The following TRAPPC9 variants were observed in gnomAD, a reference collection of about 807,000 sequenced individuals.
The protein encoded by TRAPPC9 is IKK2 binding protein.
Under a neutral mutation model 124.0 loss-of-function variants are expected in TRAPPC9, and 83 were observed. That is an observed-to-expected ratio of 0.67 (90% CI 0.56 to 0.80). The LOEUF (loss-of-function observed/expected upper bound fraction) is 0.80. Ranked by LOEUF, TRAPPC9 falls within the 30% of genes least tolerant of loss-of-function variation. TRAPPC9 has a pLI of 0.00. For missense variants in TRAPPC9, 1,302 were observed against 1,508.3 expected (o/e 0.86, Z 2.27); for synonymous variants, 638 against 617.5 (o/e 1.03, Z -0.49).
chr8:140,019,542 C>CTTTTTTTTTTTTTTTTTTTTTTTTTTT (rs71320340), intron 18 of TRAPPC9, among the ~76,000 whole-genome samples: 2 of 43,860 alleles, frequency 4.6e-5, no homozygotes, highest in African/African-American at 9.2e-5. Flanking sequence ...TAATTTGTGT[C>CTTTTTTTTTTTTTTTTTTTTTTTTTTT]TTTTTTTTTT....
intron 19 of TRAPPC9, among the ~76,000 whole-genome samples, chr8:139,941,376 C>T (rs1268603042): frequency 6.6e-6 from 1 of 152,200 alleles, no homozygotes; most frequent in Non-Finnish European, 1.5e-5. Flanking sequence ...TGAGATGCTG[C>T]CCCAATGCCC....
Position 140,243,090 on chromosome 8 carries a change from C to T in TRAPPC9, c.2431+9687G>A, listed in dbSNP as rs185334231. 9.0e-3 allele frequency among the ~76,000 whole-genome samples: 1,373 copies of T among 152,290 alleles called. 94 individuals carry two copies. Among genetic ancestry groups the T allele is most frequent in the Admixed American group, 0.086 (1,312 of 15,300 alleles). ...CAGAGAATGGGTCAGAAACACAGATCGCAGCCCAGCGCCCACAGAAAGGGA... is the reference window on the plus strand; with the variant it reads ...CAGAGAATGGGTCAGAAACACAGATTGCAGCCCAGCGCCCACAGAAAGGGA... On this transcript the variant is annotated intron_variant, in intron 16 of 22. Transcript: ENST00000438773.
intron 17 of TRAPPC9, among the ~76,000 whole-genome samples, chr8:140,051,450 C>T (rs972392530): frequency 8.5e-5 from 13 of 152,180 alleles, no homozygotes; most frequent in Non-Finnish European, 1.6e-4. Context: ...TTGCAGCAAG[C>T]ATCTGAGGGG....
intron 17 of TRAPPC9, among the ~76,000 whole-genome samples, chr8:140,203,626 C>T (rs895800104): frequency 2.0e-5 from 3 of 152,132 alleles, no homozygotes; most frequent in Non-Finnish European, 4.4e-5. Context: ...TCGGTGCTTG[C>T]GGGAAGGTTG....
intron 7 of TRAPPC9, among the ~76,000 whole-genome samples, chr8:140,388,489 G>A (rs2068823713): frequency 1.3e-5 from 2 of 152,032 alleles, no homozygotes; most frequent in South Asian, 4.2e-4. Context: ...TTTGAGACCA[G>A]CCTGACCAAC....
intron 17 of TRAPPC9, among the ~76,000 whole-genome samples, chr8:140,109,872 G>A (rs1003152471): frequency 6.6e-6 from 1 of 152,208 alleles, no homozygotes; most frequent in East Asian, 1.9e-4. Flanking sequence ...GAACACTGAG[G>A]AAGGTCAACA....
intron 7 of TRAPPC9, among the ~76,000 whole-genome samples, chr8:140,380,654 C>CAAAAAAAAAAAA (rs563391017): frequency 2.1e-5 from 1 of 48,586 alleles, no homozygotes; most frequent in African/African-American, 6.0e-5. Flanking sequence ...GACTCTGTCT[C>CAAAAAAAAAAAA]AAAAAAAAAA....
chr8:140,009,794 T>G (rs562966756), intron 18 of TRAPPC9, among the ~76,000 whole-genome samples: 46 of 152,352 alleles, frequency 3.0e-4, no homozygotes, highest in African/African-American at 1.1e-3. Flanking sequence ...CCTGCTACAT[T>G]TATGCTTCTC....
At chr8:140,185,511 C>T (rs1391901315) in intron 17 of TRAPPC9, among the ~76,000 whole-genome samples, 2 of 152,208 alleles carry the variant, frequency 1.3e-5, no homozygotes, top group African/African-American at 4.8e-5. Flanking sequence ...GTCCACCTTG[C>T]TGTTCTACCT....
chr8:140,298,519 G>C (rs1303377120), intron 11 of TRAPPC9, among the ~76,000 whole-genome samples: 1 of 152,172 alleles, frequency 6.6e-6, no homozygotes, highest in Non-Finnish European at 1.5e-5. Context: ...GGGTGTGGTA[G>C]TATGCACCTG....
intron 19 of TRAPPC9, among the ~76,000 whole-genome samples, chr8:139,972,586 C>T (rs933053985): frequency 1.3e-5 from 2 of 152,156 alleles, no homozygotes; most frequent in African/African-American, 2.4e-5. Context: ...CCCCAGACCA[C>T]GTACAACTCA....
At chr8:140,412,263 G>C (rs548697941) in intron 5 of TRAPPC9, among the ~76,000 whole-genome samples, 1 of 152,100 alleles carries the variant, frequency 6.6e-6, no homozygotes, top group Non-Finnish European at 1.5e-5. Flanking sequence ...AGCAACTTCA[G>C]GCAAACACAA....
intron 17 of TRAPPC9, among the ~76,000 whole-genome samples, chr8:140,214,753 C>T (rs4397386): frequency 0.39 from 59,113 of 152,026 alleles, 14,391 homozygotes; most frequent in Non-Finnish European, 0.55. Flanking sequence ...TCCTGAGGCA[C>T]GCAGGAAAGA....
chr8:139,775,726 T>C (rs1358625377), intron 21 of TRAPPC9, among the ~76,000 whole-genome samples: 1 of 152,182 alleles, frequency 6.6e-6, no homozygotes, highest in African/African-American at 2.4e-5. Flanking sequence ...AGCTGGCCAC[T>C]TCCCTCTTTT....
At chr8:140,260,331 A>G (rs531940906) in intron 15 of TRAPPC9, among the ~76,000 whole-genome samples, 28 of 152,094 alleles carry the variant, frequency 1.8e-4, no homozygotes, top group Non-Finnish European at 3.1e-4. Flanking sequence ...GATGCTTTCT[A>G]TGGTGTCCTA....
At chr8:140,232,498 G>C (rs572562300) in intron 16 of TRAPPC9, among the ~76,000 whole-genome samples, 1 of 152,294 alleles carries the variant, frequency 6.6e-6, no homozygotes, top group Non-Finnish European at 1.5e-5. Flanking sequence ...GAGACATGCA[G>C]GTCTGGGTTC....
chr8:139,864,149 C>A (rs1032817415), intron 21 of TRAPPC9, among the ~76,000 whole-genome samples: 8 of 152,212 alleles, frequency 5.3e-5, no homozygotes, highest in African/African-American at 1.9e-4. Context: ...AGGACTCTTT[C>A]CTGTGCTGTC....
chr8:140,074,494 G>A (rs1381042322), intron 17 of TRAPPC9, among the ~76,000 whole-genome samples: 2 of 152,208 alleles, frequency 1.3e-5, no homozygotes, highest in South Asian at 2.1e-4. Context: ...GGGTCCCTCC[G>A]TAGGGGAAGG....
At chr8:140,195,283 CTG>C (rs1208734392) in intron 17 of TRAPPC9, among the ~76,000 whole-genome samples, 1 of 151,998 alleles carries the variant, frequency 6.6e-6, no homozygotes, top group Non-Finnish European at 1.5e-5. Context: ...CAGATCACAC[CTG>C]TGACACCAAA....
Sources: allele counts gnomAD v4.1 joint callset (sites outside exome capture counted in the v4.1 genomes callset), GRCh38; gene constraint gnomAD v4.1.1; transcripts MANE v1.5; gene names NCBI Gene and HGNC (gene_info 2026-07-23, HGNC 2026-07-21).